The following ZNF26 variants were observed in gnomAD, a reference collection of about 807,000 sequenced individuals.
The protein encoded by ZNF26 is zinc finger protein 26.
Under a neutral mutation model 54.9 loss-of-function variants are expected in ZNF26, and 32 were observed. The observed-to-expected ratio is 0.58, with a 90% CI of 0.44 to 0.78. The LOEUF is 0.78. ZNF26 is among the 30% of genes least tolerant of loss of function. ZNF26 has a pLI of 0.00. For synonymous variants in ZNF26, 221 were observed against 209.2 expected, an observed-to-expected ratio of 1.06 and a Z score of -0.49; for missense variants, 524 against 634.0, an observed-to-expected ratio of 0.83 and a Z score of 1.86.
chr12:132,986,489 C>G lies in ZNF26; in HGVS notation c.-352C>G, dbSNP rs1311211883. Reference sequence around the variant, plus strand: ...GTGGCCGCGGAGGCGCGGAGCTAAGCGGCTCGGATTATCCTGGGCAGACCA... The same window carrying G: ...GTGGCCGCGGAGGCGCGGAGCTAAGGGGCTCGGATTATCCTGGGCAGACCA... On this transcript the variant is annotated 5_prime_UTR_variant, in exon 1 of 4. Coordinates refer to ENST00000328654, the MANE Select transcript of ZNF26 (RefSeq NM_019591.4). 3.3e-6 allele frequency: 1 copy of G among 305,146 alleles called. No homozygotes were observed. Among genetic ancestry groups the G allele is most frequent in the South Asian group, 6.1e-5 (1 of 16,454 alleles). 18.9% of individuals were successfully genotyped at this position (305,146 alleles called of 1,614,324 possible). A position where few individuals can be genotyped will look rare whatever the true frequency, so the allele number is the denominator to read the frequency against.
chr12:132,994,665 C>T (rs1953036012), intron 1 of ZNF26, among the ~76,000 whole-genome samples: 2 of 152,160 alleles, frequency 1.3e-5, no homozygotes, highest in African/African-American at 4.8e-5. Context: ...CATAATTTGT[C>T]TGTTGTAATA....
intron 3 of ZNF26, among the ~76,000 whole-genome samples, chr12:133,009,125 C>T (rs2137257049): frequency 6.6e-6 from 1 of 152,314 alleles, no homozygotes; most frequent in East Asian, 1.9e-4. Context: ...TCTAATTCAA[C>T]ATGAGACTTG....
chr12:133,005,080 T>C (rs1448833759), intron 1 of ZNF26: 3 of 152,226 alleles, frequency 2.0e-5, no homozygotes, highest in African/African-American at 7.2e-5. Flanking sequence ...CTCCTGTATT[T>C]GTCTTCACTC....
chr12:132,991,050 G>A (rs1308094224), intron 1 of ZNF26, among the ~76,000 whole-genome samples: 3 of 151,236 alleles, frequency 2.0e-5, no homozygotes, highest in African/African-American at 4.9e-5. Context: ...GTAGAGACAG[G>A]GTTTCACTAT....
rs1952828898 is a variant in ZNF26, at chr12:132,986,735, T to G, written c.-106T>G. 1 of 1,302,186 alleles carries G rather than the reference T, an allele frequency of 7.7e-7. No homozygotes were observed. The highest frequency in any genetic ancestry group is 2.1e-5 in the Admixed American group (1 of 46,578). The allele number at this position is 1,302,186 out of a possible 1,614,324, so 80.7% of individuals were successfully genotyped here. A position where few individuals can be genotyped will look rare whatever the true frequency, so the allele number is the denominator to read the frequency against. ...CTCGGCCCCGGGACGGTCAGGAGCCTGGGGCCCTGGTCCCGCACCTGTCTT... is the reference window on the plus strand; with the variant it reads ...CTCGGCCCCGGGACGGTCAGGAGCCGGGGGCCCTGGTCCCGCACCTGTCTT... On this transcript the variant is annotated 5_prime_UTR_variant, in exon 1 of 4. Coordinates refer to ENST00000328654, the MANE Select transcript of ZNF26 (RefSeq NM_019591.4).
intron 1 of ZNF26, among the ~76,000 whole-genome samples, chr12:132,999,444 G>A (rs1231673481): frequency 6.6e-6 from 1 of 151,802 alleles, no homozygotes; most frequent in East Asian, 1.9e-4. Context: ...TTTAGTAGAG[G>A]TGGGGTTTCA....
intron 1 of ZNF26, among the ~76,000 whole-genome samples, chr12:132,993,372 A>C (rs1953005334): frequency 6.6e-6 from 1 of 151,872 alleles, no homozygotes; most frequent in Non-Finnish European, 1.5e-5. Context: ...TAGAGCCCAT[A>C]ACATATTATT....
intron 3 of ZNF26, among the ~76,000 whole-genome samples, chr12:133,007,972 T>A (rs1397728744): frequency 6.6e-6 from 1 of 152,178 alleles, no homozygotes; most frequent in Non-Finnish European, 1.5e-5. Flanking sequence ...TGGTGTCTCC[T>A]ATATCTTTGA....
intron 3 of ZNF26, among the ~76,000 whole-genome samples, chr12:133,008,668 C>T (rs1231441367): frequency 6.7e-6 from 1 of 149,828 alleles, no homozygotes; most frequent in Non-Finnish European, 1.5e-5. Flanking sequence ...CCCAGCTACT[C>T]AGGAGGCTGA....
At position 133,025,254 on chromosome 12, in the gene ZNF26, T is replaced by TA. The variant is rs1159968145; in HGVS notation, c.*13774dup. 2.0e-5 allele frequency: 3 copies of TA among 152,350 alleles called. No individual in the cohort carries two copies. The highest frequency in any genetic ancestry group is 3.4e-3 in the Middle Eastern group (1 of 294). 9.4% of individuals were successfully genotyped at this position (152,350 alleles called of 1,614,324 possible). A position where few individuals can be genotyped will look rare whatever the true frequency, so the allele number is the denominator to read the frequency against. The stretch of plus-strand genomic sequence containing the variant: ...AGTTTTTCTGTGTCTGCCCCACTGT[T>TA]ACGTTCTGGGTGTGTAAGATGAAAA... On this transcript the variant is annotated 3_prime_UTR_variant, in exon 4 of 4. Coordinates refer to ENST00000328654, the MANE Select transcript of ZNF26 (RefSeq NM_019591.4).
intron 1 of ZNF26, chr12:132,995,223 GGTGTGTTGTGTAGGC>G (rs1173835764): frequency 6.5e-6 from 1 of 152,684 alleles, no homozygotes; most frequent in Non-Finnish European, 1.5e-5. Context: ...AGTTGATGTG[GGTGTGTTGTGTAGGC>G]GTTAGCAGTA....
chr12:133,024,113 C>T lies in ZNF26; in HGVS notation c.*12632C>T, dbSNP rs1224843400. ...TAATGTTTTGAGGTGATACGTTAGACTACAGTAGTGATTGGAATAGAAATT... is the reference window on the plus strand; with the variant it reads ...TAATGTTTTGAGGTGATACGTTAGATTACAGTAGTGATTGGAATAGAAATT... On this transcript the variant is annotated 3_prime_UTR_variant, in exon 4 of 4. Transcript: ENST00000328654. 3 of 152,196 alleles carry T rather than the reference C, an allele frequency of 2.0e-5. No individual in the cohort carries two copies. In the East Asian group the frequency reaches 5.8e-4, roughly 29 times the overall value. The allele number at this position is 152,196 out of a possible 1,614,324, so 9.4% of individuals were successfully genotyped here.
At position 132,999,821 on chromosome 12, in the gene ZNF26, C is replaced by CA. The variant is rs1953172212; in HGVS notation, c.34-7220dup. ...TGATTCTCCTGCCTCAGCCTCCCGT[C>CA]ACCATGCCCGGTTAATTTTTTTGTA... is the stretch of plus-strand genomic sequence containing the variant. On this transcript the variant is annotated intron_variant, in intron 1 of 3. Transcript: ENST00000328654. Among the ~76,000 whole-genome samples the CA allele has an allele frequency of 1.3e-5, 2 of 151,726 alleles. 1 individual carries two copies. The highest frequency in any genetic ancestry group is 1.3e-4 in the Admixed American group (2 of 15,236).
At position 132,986,724 on chromosome 12, in the gene ZNF26, G is replaced by A. The variant is rs1447097314; in HGVS notation, c.-117G>A. The A allele has an allele frequency of 7.8e-6, 9 of 1,160,946 alleles. No individual in the cohort carries two copies. Among genetic ancestry groups the A allele is most frequent in the Non-Finnish European group, 1.1e-5 (9 of 818,796 alleles). 71.9% of individuals were successfully genotyped at this position (1,160,946 alleles called of 1,614,324 possible). A position where few individuals can be genotyped will look rare whatever the true frequency, so the allele number is the denominator to read the frequency against. On this transcript the variant is annotated 5_prime_UTR_variant, in exon 1 of 4. Coordinates refer to ENST00000328654, the MANE Select transcript of ZNF26 (RefSeq NM_019591.4). ...CCTGCCAACGACTCGGCCCCGGGAC[G>A]GTCAGGAGCCTGGGGCCCTGGTCCC...
Position 132,994,946 on chromosome 12 carries a change from C to T in ZNF26, c.33+8073C>T, listed in dbSNP as rs974665012. On this transcript the variant is annotated intron_variant, in intron 1 of 3. Coordinates refer to ENST00000328654, the MANE Select transcript of ZNF26 (RefSeq NM_019591.4). ...AGTAGCACTGCCCCACTATGACAAC[C>T]ATAAAGGGCTCCAGACATTGTCAAA... Among the ~76,000 whole-genome samples the T allele has an allele frequency of 5.3e-5, 8 of 152,198 alleles. No individual in the cohort carries two copies. The East Asian group carries it at 5.8e-4, about 11-fold the overall frequency.
In ZNF26 at chr12:132,986,640, C is replaced by G; in HGVS notation, c.-201C>G. On this transcript the variant is annotated 5_prime_UTR_variant, in exon 1 of 4. Coordinates refer to ENST00000328654, the MANE Select transcript of ZNF26 (RefSeq NM_019591.4). ...ATCCGTGCGACTCCTGGTACCCAGACCGGGAGGTTGTCTAGTCACGCGCGG... is the reference window on the plus strand; with the variant it reads ...ATCCGTGCGACTCCTGGTACCCAGAGCGGGAGGTTGTCTAGTCACGCGCGG... 1 of 600,946 alleles carries G rather than the reference C, an allele frequency of 1.7e-6. No homozygotes were observed. Among genetic ancestry groups the G allele is most frequent in the Non-Finnish European group, 3.0e-6 (1 of 337,400 alleles). 37.2% of individuals were successfully genotyped at this position (600,946 alleles called of 1,614,324 possible).
rs1304092468 is a variant in ZNF26 at position 133,022,975 on chromosome 12, G to A, written c.*11494G>A. 6.6e-6 allele frequency: 1 copy of A among 152,216 alleles called. No homozygotes were observed. The highest frequency in any genetic ancestry group is 1.5e-5 in the Non-Finnish European group (1 of 68,032). The allele number at this position is 152,216 out of a possible 1,614,324, so 9.4% of individuals were successfully genotyped here. Reference sequence around the variant, plus strand: ...ATCTTTAGGATAGTGTCTACACCCTGTGGAAGAAGCAGTGAGTTGGAAAAA... The same window carrying A: ...ATCTTTAGGATAGTGTCTACACCCTATGGAAGAAGCAGTGAGTTGGAAAAA... On this transcript the variant is annotated 3_prime_UTR_variant, in exon 4 of 4. Transcript: ENST00000328654.
Position 133,001,684 on chromosome 12 carries a change from A to C in ZNF26, c.34-5358A>C. On this transcript the variant is annotated intron_variant, in intron 1 of 3. Transcript: ENST00000328654. The surrounding 1 kb of genome is among the most constrained non-coding windows in gnomAD (Gnocchi z 4.7). ...AATGAGCTCAAGTGTCAAGTTCGGG[A>C]ATCTTCTGGGTGTTCCTTGGGCCCA... The C allele has an allele frequency of 1.6e-6, 2 of 1,289,026 alleles. No individual in the cohort carries two copies. The allele number at this position is 1,289,026 out of a possible 1,614,324, so 79.8% of individuals were successfully genotyped here.
At chr12:132,996,392 C>G (rs1953084862) in intron 1 of ZNF26, among the ~76,000 whole-genome samples, 1 of 152,190 alleles carries the variant, frequency 6.6e-6, no homozygotes, top group African/African-American at 2.4e-5. Context: ...GAGCTCTTTT[C>G]TCTCGCAATT....
Sources: allele counts gnomAD v4.1 joint callset (sites outside exome capture counted in the v4.1 genomes callset), GRCh38; gene constraint gnomAD v4.1.1; non-coding constraint Gnocchi (gnomAD v3.1); transcripts MANE v1.5; gene names NCBI Gene and HGNC (gene_info 2026-07-23, HGNC 2026-07-21).